RERE: variants seen among roughly 807,000 people sequenced by gnomAD.
RERE encodes the protein arginine-glutamic acid dipeptide repeats.
A neutral mutation model predicts 146.1 loss-of-function variants in RERE; 40 were observed. That is an observed-to-expected ratio of 0.27 (90% CI 0.21 to 0.36). The LOEUF (loss-of-function observed/expected upper bound fraction) is 0.36. Among genes scored for constraint, RERE ranks in the 10% least tolerant of loss-of-function variants. The probability of loss-of-function intolerance (pLI) is 1.00; values close to 1 mark genes in which losing one functional copy is unlikely to be tolerated. For synonymous variants in RERE, 1,003 were observed against 866.0 expected, an observed-to-expected ratio of 1.16 and a Z score of -2.78; for missense variants, 1,933 against 2,138.7, an observed-to-expected ratio of 0.90 and a Z score of 1.90.
In RERE at chr1:8,369,508, T is replaced by TTA. The variant is rs1285019668; in HGVS notation, c.1285-3535_1285-3534insTA. ...ATCGAATAAATCTTTCGCCTTTTAC[T>TTA]AAAAAAAAAAAAAAAAAAAAAAAAA... is the stretch of plus-strand genomic sequence containing the variant. On this transcript the variant is annotated intron_variant, in intron 12 of 22. Transcript: ENST00000400908. Among the ~76,000 whole-genome samples the TTA allele has an allele frequency of 2.5e-3, 194 of 76,886 alleles. 6 individuals are homozygous for TTA. Among genetic ancestry groups the TTA allele is most frequent in the African/African-American group, 7.3e-3 (172 of 23,648 alleles). The allele number at this position is 76,886 out of a possible 152,430, so 50.4% of individuals were successfully genotyped here.
At chr1:8,694,677 T>A (rs1304189965) in intron 1 of RERE, among the ~76,000 whole-genome samples, 4 of 151,840 alleles carry the variant, frequency 2.6e-5, no homozygotes, top group Non-Finnish European at 5.9e-5. Context: ...GAGAATCATT[T>A]AAACCCGGGA....
At chr1:8,589,126 A>AAAAC (rs1325359927) in intron 4 of RERE, among the ~76,000 whole-genome samples, 170 of 152,078 alleles carry the variant, frequency 1.1e-3, no homozygotes, top group African/African-American at 3.8e-3. Context: ...TCTGTCCCAA[A>AAAAC]AAACAAACAA....
rs142265798 is a variant in RERE, at chr1:8,477,603, T to C, written c.1105-11580A>G. 3.0e-3 allele frequency among the ~76,000 whole-genome samples: 452 copies of C among 152,326 alleles called. 3 individuals carry two copies. Among genetic ancestry groups the C allele is most frequent in the African/African-American group, 0.01 (431 of 41,578 alleles). On this transcript the variant is annotated intron_variant, in intron 10 of 22. Coordinates refer to ENST00000400908, the MANE Select transcript of RERE (RefSeq NM_001042681.2). ...ACGTAGGCACTAGTGAACCTACTCATACATGCTAAATTGACCTAGAAAGTG... is the reference window on the plus strand; with the variant it reads ...ACGTAGGCACTAGTGAACCTACTCACACATGCTAAATTGACCTAGAAAGTG...
chr1:8,426,702 T>G (rs1381923385), intron 11 of RERE, among the ~76,000 whole-genome samples: 2 of 152,194 alleles, frequency 1.3e-5, no homozygotes, highest in Non-Finnish European at 2.9e-5. Context: ...TTTACACTCC[T>G]TAGCCCTGAA....
chr1:8,651,799 G>A (rs1430396697), intron 2 of RERE, among the ~76,000 whole-genome samples: 1 of 151,692 alleles, frequency 6.6e-6, no homozygotes, highest in African/African-American at 2.4e-5. Context: ...TCTAATCACA[G>A]TACTCTGCTG....
At chr1:8,483,021 T>C (rs17385721) in intron 10 of RERE, among the ~76,000 whole-genome samples, 2,618 of 152,386 alleles carry the variant, frequency 0.017, 40 homozygotes, top group Non-Finnish European at 0.026. Context: ...TTCAATATCC[T>C]GTTATTACAT....
At chr1:8,428,884 C>T (rs1439127692) in intron 11 of RERE, among the ~76,000 whole-genome samples, 2 of 152,106 alleles carry the variant, frequency 1.3e-5, no homozygotes, top group Non-Finnish European at 2.9e-5. Context: ...GAGCCCACCC[C>T]CTGTCATAGT....
chr1:8,563,343 CAGAG>C (rs147990773), intron 4 of RERE, among the ~76,000 whole-genome samples: 3 of 150,264 alleles, frequency 2.0e-5, no homozygotes, highest in East Asian at 3.9e-4. Context: ...AGGACTAGGG[CAGAG>C]AGAGAGAGAG....
chr1:8,559,347 A>G (rs2124429681), intron 4 of RERE, among the ~76,000 whole-genome samples: 1 of 151,164 alleles, frequency 6.6e-6, no homozygotes, highest in Middle Eastern at 3.4e-3. Flanking sequence ...TAACATAAAT[A>G]CCAAGATTCT....
chr1:8,386,048 T>TTTTTTTTTTTC (rs1642670634), intron 12 of RERE, among the ~76,000 whole-genome samples: 1 of 86,316 alleles, frequency 1.2e-5, no homozygotes, highest in Non-Finnish European at 2.3e-5. Flanking sequence ...TTTTTTTTTT[T>TTTTTTTTTTTC]CTTGGTTCAC....
intron 7 of RERE, among the ~76,000 whole-genome samples, chr1:8,518,898 G>C (rs999755010): frequency 6.6e-6 from 1 of 151,984 alleles, no homozygotes; most frequent in Non-Finnish European, 1.5e-5. Flanking sequence ...ACTTTCTGTG[G>C]GTTAGCCCTG....
intron 12 of RERE, among the ~76,000 whole-genome samples, chr1:8,384,301 T>C (rs1642565176): frequency 6.6e-6 from 1 of 152,186 alleles, no homozygotes; most frequent in Admixed American, 6.5e-5. Context: ...TGCCCTAGTT[T>C]TTTCTTGTGG....
chr1:8,417,383 T>C (rs1643806206), intron 12 of RERE, among the ~76,000 whole-genome samples: 1 of 152,202 alleles, frequency 6.6e-6, no homozygotes, highest in African/African-American at 2.4e-5. Context: ...TTCCCAGAAA[T>C]GTGGCTAAGA....
At chr1:8,718,537 G>C (rs915676441) in intron 1 of RERE, among the ~76,000 whole-genome samples, 1 of 152,210 alleles carries the variant, frequency 6.6e-6, no homozygotes, top group Admixed American at 6.5e-5. Flanking sequence ...TGAGAATAAA[G>C]CTGTGGTTTA....
chr1:8,435,355 T>C lies in RERE; in HGVS notation c.1204-12548A>G, dbSNP rs79933767. Among the ~76,000 whole-genome samples, 1,353 of 152,362 alleles carry C rather than the reference T, an allele frequency of 8.9e-3. 19 individuals carry two copies. The highest frequency in any genetic ancestry group is 0.031 in the African/African-American group (1,291 of 41,590). ...GCACTTGACAACATATAGCAGGTGC[T>C]TGACAACCACTGGTTCAGTACAAGA... On this transcript the variant is annotated intron_variant, in intron 11 of 22. Coordinates refer to ENST00000400908, the MANE Select transcript of RERE (RefSeq NM_001042681.2).
At chr1:8,475,903 A>C (rs115074090) in intron 10 of RERE, among the ~76,000 whole-genome samples, 531 of 152,338 alleles carry the variant, frequency 3.5e-3, no homozygotes, top group Non-Finnish European at 6.1e-3. Flanking sequence ...AGAGAGGCTA[A>C]AATTTGTCTG....
chr1:8,605,411 T>C (rs1646691044), intron 4 of RERE, among the ~76,000 whole-genome samples: 1 of 152,076 alleles, frequency 6.6e-6, no homozygotes, highest in Non-Finnish European at 1.5e-5. Context: ...GGATTACAGA[T>C]GTGAGCCACT....
At chr1:8,550,261 C>G (rs947109950) in intron 6 of RERE, among the ~76,000 whole-genome samples, 1 of 152,152 alleles carries the variant, frequency 6.6e-6, no homozygotes. Context: ...AGGTTCCCAT[C>G]ACCAAATATA....
At chr1:8,678,626 C>T (rs1638897069) in intron 1 of RERE, among the ~76,000 whole-genome samples, 1 of 151,718 alleles carries the variant, frequency 6.6e-6, no homozygotes, top group Non-Finnish European at 1.5e-5. Context: ...TGCAGGGAGG[C>T]GGAGGTTGCA....
Sources: allele counts gnomAD v4.1 joint callset (sites outside exome capture counted in the v4.1 genomes callset), GRCh38; gene constraint gnomAD v4.1.1; transcripts MANE v1.5; gene names NCBI Gene and HGNC (gene_info 2026-07-23, HGNC 2026-07-21).